Variants in CCSER1 observed in about 807,000 individuals in gnomAD.
The protein encoded by CCSER1 is coiled-coil serine rich protein 1.
In CCSER1, 41 loss-of-function variants were observed where a neutral mutation model predicts 82.0. That is an observed-to-expected ratio of 0.50 (90% CI 0.39 to 0.65). The LOEUF is 0.65. Ranked by LOEUF, CCSER1 falls within the 30% of genes least tolerant of loss-of-function variation. The pLI is 0.00. For synonymous variants in CCSER1, 414 were observed against 383.9 expected, an observed-to-expected ratio of 1.08 and a Z score of -0.92; for missense variants, 1,119 against 1,064.2, an observed-to-expected ratio of 1.05 and a Z score of -0.72.
chr4:91,563,816 C>T (rs1222058565), intron 10 of CCSER1, among the ~76,000 whole-genome samples: 4 of 151,690 alleles, frequency 2.6e-5, no homozygotes, highest in African/African-American at 9.7e-5. Context: ...TCACCAAAAA[C>T]CTGTTGGAAC....
chr4:91,169,007 C>T (rs1487966760), intron 10 of CCSER1, among the ~76,000 whole-genome samples: 2 of 151,888 alleles, frequency 1.3e-5, no homozygotes, highest in Non-Finnish European at 2.9e-5. Context: ...CAGCATGCTC[C>T]TTAAGAGTCA....
At chr4:90,470,777 A>AC (rs1438476223) in intron 5 of CCSER1, among the ~76,000 whole-genome samples, 2 of 150,768 alleles carry the variant, frequency 1.3e-5, no homozygotes, top group African/African-American at 4.9e-5. Context: ...AAAAAAAAAA[A>AC]AAAACAAAAC....
chr4:90,172,141 A>G (rs1049868538), intron 1 of CCSER1, among the ~76,000 whole-genome samples: 8 of 151,924 alleles, frequency 5.3e-5, no homozygotes, highest in Non-Finnish European at 1.2e-4. Flanking sequence ...AAAGATGATC[A>G]CACATGCAGT....
intron 7 of CCSER1, among the ~76,000 whole-genome samples, chr4:90,749,871 A>T (rs371374650): frequency 0.056 from 8,531 of 151,538 alleles, 356 homozygotes; most frequent in Admixed American, 0.11. Context: ...CGCCACACTG[A>T]CTTCCACAAT....
At chr4:90,827,357 C>G (rs1024487837) in intron 8 of CCSER1, among the ~76,000 whole-genome samples, 2 of 152,190 alleles carry the variant, frequency 1.3e-5, no homozygotes, top group African/African-American at 2.4e-5. Flanking sequence ...CTGGTTTCAA[C>G]TGGTCTGATC....
chr4:91,588,703 C>G (rs772747333), intron 10 of CCSER1, among the ~76,000 whole-genome samples: 1 of 151,668 alleles, frequency 6.6e-6, no homozygotes, highest in Admixed American at 6.6e-5. Context: ...GTTCACCAAA[C>G]CATCGTGCAG....
At chr4:90,597,357 T>A (rs1783464264) in intron 5 of CCSER1, among the ~76,000 whole-genome samples, 1 of 152,042 alleles carries the variant, frequency 6.6e-6, no homozygotes, top group Non-Finnish European at 1.5e-5. Flanking sequence ...ATGTATTTTG[T>A]CTTATTAGAG....
intron 1 of CCSER1, among the ~76,000 whole-genome samples, chr4:90,151,969 A>G (rs1231918669): frequency 6.6e-6 from 1 of 152,192 alleles, no homozygotes; most frequent in Non-Finnish European, 1.5e-5. Flanking sequence ...AAAAGAAGAG[A>G]TTATCTCCAG....
At chr4:90,925,035 T>A (rs1012568180) in intron 9 of CCSER1, among the ~76,000 whole-genome samples, 4 of 152,194 alleles carry the variant, frequency 2.6e-5, no homozygotes, top group African/African-American at 4.8e-5. Flanking sequence ...CCTAAAAATT[T>A]TTTAATGAAA....
chr4:90,537,289 T>C (rs1169796853), intron 5 of CCSER1, among the ~76,000 whole-genome samples: 4 of 152,164 alleles, frequency 2.6e-5, no homozygotes, highest in Non-Finnish European at 5.9e-5. Context: ...CCATTTCCAT[T>C]ACTTTCTCTC....
At position 90,528,287 on chromosome 4, in the gene CCSER1, C is replaced by T. The variant is rs144619457; in HGVS notation, c.1724+59933C>T. On this transcript the variant is annotated intron_variant, in intron 5 of 10. Transcript: ENST00000509176. ...AACTTAAATGGTGGTTTGTGATTTT[C>T]GGTATTGACTTTTTGAATTATCATT... 4.0e-3 allele frequency among the ~76,000 whole-genome samples: 607 copies of T among 152,076 alleles called. 5 individuals carry two copies. The highest frequency in any genetic ancestry group is 8.8e-3 in the Admixed American group (134 of 15,262).
chr4:91,109,528 C>A (rs1290349207), intron 10 of CCSER1, among the ~76,000 whole-genome samples: 2 of 151,596 alleles, frequency 1.3e-5, no homozygotes, highest in Non-Finnish European at 2.9e-5. Flanking sequence ...AGATCAAAAG[C>A]ATTAAGTAAA....
In CCSER1 at chr4:91,400,953, A is replaced by G. The variant is rs1752279190; in HGVS notation, c.2218-197619A>G. ...GCCATTAAAAATATTGGGTCATTCA[A>G]TTTGATACACTTGTGGAATAAACCC... On this transcript the variant is annotated intron_variant, in intron 10 of 10. Coordinates refer to ENST00000509176, the MANE Select transcript of CCSER1 (RefSeq NM_001145065.2). Among the ~76,000 whole-genome samples, 3 of 152,024 alleles carry G rather than the reference A, an allele frequency of 2.0e-5. No homozygotes were observed. The South Asian group carries it at 6.2e-4, about 32-fold the overall frequency.
intron 10 of CCSER1, among the ~76,000 whole-genome samples, chr4:91,505,641 C>A (rs529190672): frequency 6.6e-6 from 1 of 152,296 alleles, no homozygotes; most frequent in African/African-American, 2.4e-5. Flanking sequence ...ACCATTCTGA[C>A]TGACATGAGA....
chr4:91,565,079 T>A lies in CCSER1; in HGVS notation c.2218-33493T>A, dbSNP rs1037758546. The stretch of plus-strand genomic sequence containing the variant: ...GTGTGTGTGTGTGTGTGTGTGTGTG[T>A]GATGTGAAGAAGGGGTCCAGCTTCA... On this transcript the variant is annotated intron_variant, in intron 10 of 10. Transcript: ENST00000509176. Among the ~76,000 whole-genome samples the A allele has an allele frequency of 3.6e-3, 423 of 115,972 alleles. 1 individual carries two copies. The highest frequency in any genetic ancestry group is 0.012 in the African/African-American group (385 of 31,544). The allele number at this position is 115,972 out of a possible 152,430, so 76.1% of individuals were successfully genotyped here. A position where few individuals can be genotyped will look rare whatever the true frequency, so the allele number is the denominator to read the frequency against.
chr4:91,067,240 C>T (rs1365337037), intron 9 of CCSER1, among the ~76,000 whole-genome samples: 1 of 151,866 alleles, frequency 6.6e-6, no homozygotes, highest in African/African-American at 2.4e-5. Context: ...GTGAATAAGC[C>T]AGAAAATAAA....
intron 10 of CCSER1, among the ~76,000 whole-genome samples, chr4:91,303,143 A>G (rs1451702255): frequency 1.3e-5 from 2 of 152,166 alleles, no homozygotes; most frequent in East Asian, 3.9e-4. Flanking sequence ...AGTCTAGTTC[A>G]TGTTAAGAAT....
chr4:91,599,267 G>A lies in CCSER1; in HGVS notation c.*210G>A, dbSNP rs774877320. 6 of 539,502 alleles carry A rather than the reference G, an allele frequency of 1.1e-5. No individual in the cohort carries two copies. The South Asian group carries it at 2.0e-4, about 18-fold the overall frequency. 33.4% of individuals were successfully genotyped at this position (539,502 alleles called of 1,614,324 possible). ...TTGAGCATGTTAATTGAACTAGGTTGCATTGCCTTGAAGACTTTACTATAT... is the reference window on the plus strand; with the variant it reads ...TTGAGCATGTTAATTGAACTAGGTTACATTGCCTTGAAGACTTTACTATAT... On this transcript the variant is annotated 3_prime_UTR_variant, in exon 11 of 11. Coordinates refer to ENST00000509176, the MANE Select transcript of CCSER1 (RefSeq NM_001145065.2).
At chr4:91,582,240 T>A (rs992310654) in intron 10 of CCSER1, among the ~76,000 whole-genome samples, 7 of 151,536 alleles carry the variant, frequency 4.6e-5, no homozygotes, top group African/African-American at 1.7e-4. Flanking sequence ...CCACTTTCTA[T>A]AAGGAACAGG....
Sources: allele counts gnomAD v4.1 joint callset (sites outside exome capture counted in the v4.1 genomes callset), GRCh38; gene constraint gnomAD v4.1.1; transcripts MANE v1.5; gene names NCBI Gene and HGNC (gene_info 2026-07-23, HGNC 2026-07-21).